SLC37A1: variants seen among roughly 807,000 people sequenced by gnomAD.
SLC37A1 encodes the protein glucose-6-phosphate exchanger SLC37A1.
A neutral mutation model predicts 75.3 loss-of-function variants in SLC37A1; 49 were observed. The observed-to-expected ratio is 0.65, with a 90% CI of 0.52 to 0.83. The LOEUF (loss-of-function observed/expected upper bound fraction) is 0.83. Among genes scored for constraint, SLC37A1 ranks in the 40% least tolerant of loss-of-function variants. SLC37A1 has a pLI of 0.00. For missense variants in SLC37A1, 566 were observed against 695.0 expected (o/e 0.81, Z 2.09); for synonymous variants, 268 against 292.1 (o/e 0.92, Z 0.84).
At chr21:42,556,199 G>A (rs115385938) in intron 10 of SLC37A1, among the ~76,000 whole-genome samples, 1,948 of 152,334 alleles carry the variant, frequency 0.013, 34 homozygotes, top group African/African-American at 0.043. Flanking sequence ...CCCCGCGGGC[G>A]TTTTAGAGGA....
chr21:42,518,937 T>C (rs1457310523), intron 2 of SLC37A1, among the ~76,000 whole-genome samples: 1 of 152,238 alleles, frequency 6.6e-6, no homozygotes, highest in East Asian at 1.9e-4. Flanking sequence ...CAGCCCAGAA[T>C]GCTGCTTTCC....
At chr21:42,541,434 G>A (rs564322963) in intron 6 of SLC37A1, among the ~76,000 whole-genome samples, 60 of 152,182 alleles carry the variant, frequency 3.9e-4, no homozygotes, top group Middle Eastern at 3.4e-3. Context: ...TGAGGTAGTC[G>A]GAGCTGCCAG....
chr21:42,562,727 T>C (rs2055862668), intron 12 of SLC37A1, among the ~76,000 whole-genome samples: 1 of 151,846 alleles, frequency 6.6e-6, no homozygotes, highest in Non-Finnish European at 1.5e-5. Context: ...AGATGAACAG[T>C]GCTTAAGGGA....
At chr21:42,522,146 C>T (rs2054665117) in intron 2 of SLC37A1, among the ~76,000 whole-genome samples, 1 of 152,208 alleles carries the variant, frequency 6.6e-6, no homozygotes, top group Non-Finnish European at 1.5e-5. Context: ...AATGAGGGCT[C>T]ACTCTATCTA....
intron 1 of SLC37A1, among the ~76,000 whole-genome samples, chr21:42,500,865 A>G (rs939969847): frequency 6.6e-5 from 10 of 152,240 alleles, no homozygotes; most frequent in East Asian, 3.8e-4. Flanking sequence ...ATTGGCACCC[A>G]GCAAGGAGGA....
At chr21:42,540,218 A>G (rs1345402461) in intron 6 of SLC37A1, among the ~76,000 whole-genome samples, 1 of 152,238 alleles carries the variant, frequency 6.6e-6, no homozygotes, top group African/African-American at 2.4e-5. Flanking sequence ...AGGGCGTTCC[A>G]CCTAGGTCTG....
At chr21:42,566,492 G>C (rs1037602177) in intron 15 of SLC37A1, among the ~76,000 whole-genome samples, 1 of 152,222 alleles carries the variant, frequency 6.6e-6, no homozygotes, top group African/African-American at 2.4e-5. Flanking sequence ...GTCCTAATGA[G>C]CCAGCAGTGG....
chr21:42,551,204 T>C (rs2055548671), intron 9 of SLC37A1, among the ~76,000 whole-genome samples: 1 of 152,236 alleles, frequency 6.6e-6, no homozygotes, highest in Non-Finnish European at 1.5e-5. Context: ...AATTAATAAG[T>C]TAGCAAGGTT....
intron 1 of SLC37A1, among the ~76,000 whole-genome samples, chr21:42,517,721 T>C (rs2054549903): frequency 6.6e-6 from 1 of 152,348 alleles, no homozygotes; most frequent in African/African-American, 2.4e-5. Flanking sequence ...CTGTGACCTC[T>C]GAGGTGACCA....
chr21:42,546,887 A>G (rs1262740621), intron 8 of SLC37A1, among the ~76,000 whole-genome samples: 1 of 152,240 alleles, frequency 6.6e-6, no homozygotes. Context: ...GTTACTAGTA[A>G]AGCGAAGCAA....
chr21:42,565,000 T>C (rs2055939713), intron 14 of SLC37A1, among the ~76,000 whole-genome samples: 1 of 152,282 alleles, frequency 6.6e-6, no homozygotes, highest in East Asian at 1.9e-4. Context: ...CAGCTGCTGC[T>C]GGTTTAGCAT....
intron 18 of SLC37A1, 30 bp downstream of exon 18, chr21:42,574,945 C>T (rs780954024): frequency 8.7e-6 from 14 of 1,613,058 alleles, no homozygotes; most frequent in African/African-American, 5.3e-5. Flanking sequence ...GTCCAATCCA[C>T]CTTGAATGCA....
Position 42,557,931 on chromosome 21 carries a change from C to T in SLC37A1, c.850-1027C>T, listed in dbSNP as rs566530255. ...AAGACCTTGAACCTCATAGCTCACT[C>T]ATGAAGAATATTTTTATTTTATTTT... is the stretch of plus-strand genomic sequence containing the variant. On this transcript the variant is annotated intron_variant, in intron 10 of 19. Transcript: ENST00000352133. Among the ~76,000 whole-genome samples, 17 of 152,296 alleles carry T rather than the reference C, an allele frequency of 1.1e-4. No individual in the cohort carries two copies. The East Asian group carries it at 3.1e-3, about 28-fold the overall frequency.
intron 10 of SLC37A1, 140 bp downstream of exon 10, chr21:42,554,282 ATTTC>A (rs748553468): frequency 2.2e-5 from 16 of 716,862 alleles, no homozygotes; most frequent in Non-Finnish European, 3.4e-5. Context: ...GTCTCATTGT[ATTTC>A]TTCAGTAAAA....
chr21:42,525,890 CTG>C (rs1313212555), intron 3 of SLC37A1, 33 bp downstream of exon 3: 6 of 1,548,804 alleles, frequency 3.9e-6, no homozygotes, highest in Admixed American at 1.7e-5. Context: ...CCTGTCGTCT[CTG>C]TGAGGAGTTC....
At chr21:42,575,648 C>T (rs1258600007) in intron 18 of SLC37A1, 3 of 985,400 alleles carry the variant, frequency 3.0e-6, no homozygotes, top group African/African-American at 1.7e-5. Flanking sequence ...GACCCACAGC[C>T]ATGCCTCTCC....
chr21:42,527,660 T>G (rs1228216104), intron 3 of SLC37A1, among the ~76,000 whole-genome samples: 2 of 152,182 alleles, frequency 1.3e-5, no homozygotes, highest in African/African-American at 4.8e-5. Flanking sequence ...GAGAATTCCC[T>G]GTGGGTCAGG....
At position 42,559,073 on chromosome 21, in the gene SLC37A1, G is replaced by A; in HGVS notation, c.965G>A (p.Gly322Glu). The A allele has an allele frequency of 6.2e-7, 1 of 1,610,878 alleles. No homozygotes were observed. Among genetic ancestry groups the A allele is most frequent in the South Asian group, 1.1e-5 (1 of 90,574 alleles). Residue 322 changes from glycine (G) to glutamate (E), a missense_variant, in exon 11 of 20, where the codon GGG becomes GAG. By Grantham distance (98) the Gly-to-Glu change is moderately conservative. Coordinates refer to ENST00000352133, the MANE Select transcript of SLC37A1 (RefSeq NM_001320537.2). ...GSGTAAISFTGALKIPGVIEF... is the reference protein window; with the variant it reads ...GSGTAAISFTEALKIPGVIEF... ...GGCACGGCCGCCATCAGCTTCACAG[G>A]GGCCTTGAAAATTCCAGTAAGTAAA...
At chr21:42,538,495 G>C (rs536768432) in intron 5 of SLC37A1, among the ~76,000 whole-genome samples, 1 of 152,272 alleles carries the variant, frequency 6.6e-6, no homozygotes, top group African/African-American at 2.4e-5. Flanking sequence ...TGGCAGGCAG[G>C]TGTCACTGTG....
Sources: gnomAD v4.1 joint callset for allele counts (sites outside exome capture counted in the v4.1 genomes callset) on GRCh38, gnomAD v4.1.1 for gene constraint, MANE v1.5 for transcripts, NCBI Gene and HGNC (gene_info 2026-07-23, HGNC 2026-07-21) for gene names.